GPC5: variants seen among roughly 807,000 people sequenced by gnomAD.
GPC5 encodes the protein glypican 5, also known as glypican-5.
A neutral mutation model predicts 53.9 loss-of-function variants in GPC5; 47 were observed. The observed-to-expected ratio is 0.87, with a 90% CI of 0.69 to 1.11. The LOEUF (loss-of-function observed/expected upper bound fraction) is 1.11, where lower values mean the gene tolerates loss of function less well. GPC5 is among the 50% of genes most tolerant of loss of function. The pLI, the probability that GPC5 is intolerant of heterozygous loss-of-function variation, is 0.00. For synonymous variants in GPC5, 286 were observed against 263.3 expected (o/e 1.09, Z -0.84); for missense variants, 748 against 713.1 (o/e 1.05, Z -0.56).
At chr13:92,741,369 C>T (rs1446650114) in intron 7 of GPC5, among the ~76,000 whole-genome samples, 3 of 151,868 alleles carry the variant, frequency 2.0e-5, no homozygotes, top group Non-Finnish European at 4.4e-5. Flanking sequence ...CCGTGGGAGG[C>T]TCTGAGCTTT....
At chr13:92,175,588 T>C (rs998461166) in intron 7 of GPC5, among the ~76,000 whole-genome samples, 1 of 152,180 alleles carries the variant, frequency 6.6e-6, no homozygotes, top group South Asian at 2.1e-4. Flanking sequence ...TACTGAACTC[T>C]TGGTACAGAG....
intron 2 of GPC5, among the ~76,000 whole-genome samples, chr13:91,518,932 C>T (rs2139360145): frequency 6.6e-6 from 1 of 152,286 alleles, no homozygotes; most frequent in African/African-American, 2.4e-5. Flanking sequence ...GTTCTCACAT[C>T]ATCTGACTTT....
At chr13:92,775,304 A>G (rs1875762234) in intron 7 of GPC5, among the ~76,000 whole-genome samples, 1 of 152,222 alleles carries the variant, frequency 6.6e-6, no homozygotes, top group South Asian at 2.1e-4. Context: ...AGGTAAATGG[A>G]TTTAAAAAAA....
intron 2 of GPC5, among the ~76,000 whole-genome samples, chr13:91,567,859 C>T (rs933795126): frequency 6.6e-6 from 1 of 152,142 alleles, no homozygotes; most frequent in African/African-American, 2.4e-5. Flanking sequence ...CAAATCTCAT[C>T]TTAAATTGTA....
At chr13:92,534,480 A>G (rs1881662140) in intron 7 of GPC5, among the ~76,000 whole-genome samples, 1 of 152,166 alleles carries the variant, frequency 6.6e-6, no homozygotes. Context: ...GTAACTTCCT[A>G]GACAGCATTT....
chr13:92,856,023 T>C (rs972896356), intron 7 of GPC5, among the ~76,000 whole-genome samples: 2 of 151,976 alleles, frequency 1.3e-5, no homozygotes, highest in African/African-American at 4.8e-5. Context: ...GCCAATATCA[T>C]TGTGATACCA....
At chr13:92,098,240 TA>T (rs1387995416) in intron 6 of GPC5, among the ~76,000 whole-genome samples, 1 of 152,146 alleles carries the variant, frequency 6.6e-6, no homozygotes, top group African/African-American at 2.4e-5. Context: ...AGCTCCCACT[TA>T]TAAGTGAGAG....
intron 7 of GPC5, among the ~76,000 whole-genome samples, chr13:92,773,828 A>G (rs1875697948): frequency 6.6e-6 from 1 of 152,192 alleles, no homozygotes; most frequent in African/African-American, 2.4e-5. Flanking sequence ...ATAAAGACAT[A>G]CCCAAGACTG....
chr13:92,432,533 C>T (rs1877138321), intron 7 of GPC5, among the ~76,000 whole-genome samples: 1 of 148,974 alleles, frequency 6.7e-6, no homozygotes. Context: ...CACCACCACG[C>T]CCGGCTATTT....
intron 7 of GPC5, among the ~76,000 whole-genome samples, chr13:92,580,479 A>G (rs900308908): frequency 4.6e-4 from 70 of 152,308 alleles, no homozygotes; most frequent in African/African-American, 1.6e-3. Context: ...GTTTATATGT[A>G]TATTAAGCCT....
chr13:92,039,695 A>T (rs548578088), intron 6 of GPC5, among the ~76,000 whole-genome samples: 3 of 152,240 alleles, frequency 2.0e-5, no homozygotes, highest in Non-Finnish European at 4.4e-5. Context: ...TTGATTTCTG[A>T]TGCTTCGCTC....
At chr13:91,531,792 C>G (rs1170188117) in intron 2 of GPC5, among the ~76,000 whole-genome samples, 5 of 152,144 alleles carry the variant, frequency 3.3e-5, no homozygotes, top group African/African-American at 1.2e-4. Flanking sequence ...TTGGATCTGA[C>G]TTTTCACTTT....
intron 2 of GPC5, among the ~76,000 whole-genome samples, chr13:91,507,220 T>C (rs1251272768): frequency 4.6e-5 from 7 of 152,116 alleles, no homozygotes; most frequent in Non-Finnish European, 8.8e-5. Context: ...TTCATAGATA[T>C]CTGTCTTCTT....
At chr13:92,256,826 CTTTG>C (rs1439426168) in intron 7 of GPC5, among the ~76,000 whole-genome samples, 1 of 151,248 alleles carries the variant, frequency 6.6e-6, no homozygotes, top group African/African-American at 2.4e-5. Context: ...ATCAAGTTTG[CTTTG>C]TTTGACCTTT....
At chr13:91,665,265 G>A (rs1311605813) in intron 2 of GPC5, among the ~76,000 whole-genome samples, 1 of 152,052 alleles carries the variant, frequency 6.6e-6, no homozygotes, top group East Asian at 1.9e-4. Flanking sequence ...TCTCCAATTA[G>A]GTCATTTTAT....
chr13:92,032,929 G>T (rs1159518827), intron 6 of GPC5, among the ~76,000 whole-genome samples: 2 of 152,042 alleles, frequency 1.3e-5, no homozygotes, highest in South Asian at 2.1e-4. Flanking sequence ...TCCCTGGACT[G>T]GTTTACTCCT....
At chr13:92,449,230 A>G (rs1183179971) in intron 7 of GPC5, among the ~76,000 whole-genome samples, 1 of 152,174 alleles carries the variant, frequency 6.6e-6, no homozygotes, top group Admixed American at 6.5e-5. Flanking sequence ...GGTTAACATT[A>G]AAATAGTATA....
chr13:91,689,202 T>C lies in GPC5; in HGVS notation c.326-3985T>C, dbSNP rs1407084877. ...ATATATAAATATATATATATATATA[T>C]ATATATATATATATATATATATATA... On this transcript the variant is annotated intron_variant, in intron 2 of 7. Coordinates refer to ENST00000377067, the MANE Select transcript of GPC5 (RefSeq NM_004466.6). Among the ~76,000 whole-genome samples, 4 of 110,010 alleles carry C rather than the reference T, an allele frequency of 3.6e-5. No individual in the cohort carries two copies. The East Asian group carries it at 8.9e-4, about 24-fold the overall frequency. 72.2% of individuals were successfully genotyped at this position (110,010 alleles called of 152,430 possible). A position where few individuals can be genotyped will look rare whatever the true frequency, so the allele number is the denominator to read the frequency against.
chr13:92,021,687 A>G (rs757733343), intron 6 of GPC5, among the ~76,000 whole-genome samples: 60 of 152,330 alleles, frequency 3.9e-4, no homozygotes, highest in South Asian at 1.2e-3. Context: ...ATCAGTTATA[A>G]TTCTACTTCT....
Sources: allele counts gnomAD v4.1 joint callset (sites outside exome capture counted in the v4.1 genomes callset), GRCh38; gene constraint gnomAD v4.1.1; transcripts MANE v1.5; gene names NCBI Gene and HGNC (gene_info 2026-07-23, HGNC 2026-07-21).